Variants in FYB2 observed in about 807,000 individuals in gnomAD.
The protein encoded by FYB2 is FYN binding protein 2, also known as FYN-binding protein 2.
In FYB2, 103 loss-of-function variants were observed where a neutral mutation model predicts 94.1. The ratio of observed to expected loss-of-function variants is 1.09; its 90% CI spans 0.93 to 1.29. The LOEUF (loss-of-function observed/expected upper bound fraction) is 1.29. Ranked by LOEUF, FYB2 falls within the 50% of genes most tolerant of loss-of-function variation. FYB2 has a pLI of 0.00. For synonymous variants in FYB2, 293 were observed against 287.9 expected, an observed-to-expected ratio of 1.02 and a Z score of -0.18; for missense variants, 896 against 841.5, an observed-to-expected ratio of 1.06 and a Z score of -0.80.
chr1:56,801,877 G>A (rs1646530072), intron 1 of FYB2, among the ~76,000 whole-genome samples: 3 of 152,180 alleles, frequency 2.0e-5, no homozygotes, highest in Non-Finnish European at 4.4e-5. Context: ...AATGTGCCTA[G>A]AACTCTAACC....
intron 4 of FYB2, among the ~76,000 whole-genome samples, chr1:56,786,339 C>T (rs12081418): frequency 0.041 from 6,197 of 152,244 alleles, 398 homozygotes; most frequent in African/African-American, 0.13. Context: ...TAAAGACTTC[C>T]TTGACCCTCC....
At chr1:56,723,731 T>A (rs750756062) in intron 16 of FYB2, 50 bp from the exon 17 acceptor site, 2 of 1,095,698 alleles carry the variant, frequency 1.8e-6, no homozygotes, top group Admixed American at 2.4e-5. Context: ...TAAAACTTTT[T>A]AAGTTTCTGA....
chr1:56,745,054 C>A (rs960886243), intron 9 of FYB2, among the ~76,000 whole-genome samples: 1 of 151,826 alleles, frequency 6.6e-6, no homozygotes, highest in African/African-American at 2.4e-5. Flanking sequence ...GCGTGTAGGC[C>A]CCAAACCATC....
intron 2 of FYB2, 111 bp downstream of exon 2, chr1:56,791,945 A>T (rs1646275935): frequency 7.1e-7 from 1 of 1,416,518 alleles, no homozygotes; most frequent in African/African-American, 1.4e-5. Flanking sequence ...GAGAGTCTGG[A>T]GCCACATTTC....
chr1:56,725,749 G>GAC (rs1333137075), intron 16 of FYB2, among the ~76,000 whole-genome samples: 1 of 152,066 alleles, frequency 6.6e-6, no homozygotes, highest in Admixed American at 6.6e-5. Flanking sequence ...CTGAATCTCA[G>GAC]ACACTAATGT....
Position 56,783,412 on chromosome 1 carries a change from G to T in FYB2, c.953+3763C>A, listed in dbSNP as rs143176540. Among the ~76,000 whole-genome samples the T allele has an allele frequency of 2.5e-3, 387 of 152,300 alleles. 2 individuals are homozygous for T. The highest frequency in any genetic ancestry group is 8.8e-3 in the African/African-American group (364 of 41,576). On this transcript the variant is annotated intron_variant, in intron 4 of 19. Coordinates refer to ENST00000343433, the MANE Select transcript of FYB2 (RefSeq NM_001004303.5). ...GGTCCAGAAATGAAAGATGGCTATT[G>T]TAAGTGTGCTGGGTTAAGATGATTA...
intron 9 of FYB2, among the ~76,000 whole-genome samples, chr1:56,745,847 C>T (rs1645055511): frequency 6.6e-6 from 1 of 151,992 alleles, no homozygotes; most frequent in South Asian, 2.1e-4. Flanking sequence ...CTATACTCTT[C>T]CTCGGTTACT....
At chr1:56,780,947 A>T (rs999510661) in intron 4 of FYB2, among the ~76,000 whole-genome samples, 1 of 152,096 alleles carries the variant, frequency 6.6e-6, no homozygotes, top group African/African-American at 2.4e-5. Context: ...CATTCTCTTC[A>T]TTCTTTCCTG....
intron 1 of FYB2, among the ~76,000 whole-genome samples, chr1:56,812,959 A>G (rs934244109): frequency 6.6e-6 from 1 of 152,234 alleles, no homozygotes; most frequent in African/African-American, 2.4e-5. Context: ...TTACAGTTCT[A>G]GAGGCAAAAG....
intron 4 of FYB2, among the ~76,000 whole-genome samples, chr1:56,770,962 T>C (rs548334650): frequency 6.6e-6 from 1 of 152,276 alleles, no homozygotes; most frequent in Admixed American, 6.5e-5. Context: ...GAATCTCAGT[T>C]TGAAAATAAT....
rs1172808367 is a variant in FYB2, at chr1:56,792,797, C to T, written c.16G>A (p.Val6Ile). Residue 6 changes from valine (V) to isoleucine (I), a missense_variant, in exon 2 of 20, where the codon GTA (valine) becomes ATA (isoleucine). By Grantham distance (29) the Val-to-Ile change is conservative. Transcript: ENST00000343433. ...GCTCGAAGTTCCTTGAAGTTTCTTA[C>T]CCCTTCCTAAGGCAAAGAATAATCA... MEGEG[V>I]RNFKELRAKF... 2.5e-6 allele frequency: 4 copies of T among 1,609,306 alleles called. No individual in the cohort carries two copies. Among genetic ancestry groups the T allele is most frequent in the East Asian group, 2.2e-5 (1 of 44,808 alleles).
At chr1:56,767,711 T>C (rs1645656951) in intron 5 of FYB2, 118 bp downstream of exon 5, 3 of 736,150 alleles carry the variant, frequency 4.1e-6, no homozygotes, top group Non-Finnish European at 4.6e-6. Context: ...AGAAATAAGA[T>C]GGTTGTGCAG....
chr1:56,759,422 C>A (rs1234974971), intron 5 of FYB2, among the ~76,000 whole-genome samples: 1 of 152,084 alleles, frequency 6.6e-6, no homozygotes, highest in Non-Finnish European at 1.5e-5. Context: ...AGGGTATGGC[C>A]TATTGCTCCC....
chr1:56,783,365 T>G (rs1646052643), intron 4 of FYB2, among the ~76,000 whole-genome samples: 1 of 152,166 alleles, frequency 6.6e-6, no homozygotes, highest in African/African-American at 2.4e-5. Flanking sequence ...CAATGTCACC[T>G]CTCATGTTTT....
Position 56,751,134 on chromosome 1 carries a change from A to T in FYB2, c.1297T>A (p.Leu433Met). ...TNVHTGRRNM[L>M]AGKQEAMIDI... The stretch of plus-strand genomic sequence containing the variant: ...ATCATGGCCTCTTGCTTTCCAGCCA[A>T]CATGTTCCTTCTACCTGTGTGGACG... Residue 433 changes from leucine to methionine, a missense_variant, in exon 9 of 20, where the codon TTG becomes ATG. Leu to Met is a conservative substitution (Grantham distance 15). Transcript: ENST00000343433. 6.2e-7 allele frequency: 1 copy of T among 1,612,842 alleles called. No homozygotes were observed. The highest frequency in any genetic ancestry group is 8.5e-7 in the Non-Finnish European group (1 of 1,179,258).
intron 2 of FYB2, among the ~76,000 whole-genome samples, chr1:56,790,820 G>A (rs1383035783): frequency 1.3e-5 from 2 of 152,220 alleles, no homozygotes; most frequent in African/African-American, 4.8e-5. Context: ...ACACTTTATA[G>A]AGAGAGGTTA....
intron 5 of FYB2, among the ~76,000 whole-genome samples, 186 bp from the exon 6 acceptor site, chr1:56,758,936 C>A (rs552901801): frequency 1.3e-5 from 2 of 152,206 alleles, no homozygotes; most frequent in African/African-American, 2.4e-5. Flanking sequence ...GTTTTAATTT[C>A]TGTGGGGATT....
chr1:56,765,946 T>C (rs1418272064), intron 5 of FYB2, among the ~76,000 whole-genome samples: 1 of 152,166 alleles, frequency 6.6e-6, no homozygotes, highest in African/African-American at 2.4e-5. Context: ...AATGAGCTAC[T>C]TGCAGGGGGG....
At chr1:56,786,303 C>T (rs577544567) in intron 4 of FYB2, among the ~76,000 whole-genome samples, 1 of 152,350 alleles carries the variant, frequency 6.6e-6, no homozygotes, top group South Asian at 2.1e-4. Flanking sequence ...TAGCATTACT[C>T]TAGCAATGGA....
Sources: gnomAD v4.1 joint callset for allele counts (sites outside exome capture counted in the v4.1 genomes callset) on GRCh38, gnomAD v4.1.1 for gene constraint, MANE v1.5 for transcripts, NCBI Gene and HGNC (gene_info 2026-07-23, HGNC 2026-07-21) for gene names.